TTLL11: variants seen among roughly 807,000 people sequenced by gnomAD.
TTLL11 encodes tubulin polyglutamylase TTLL11.
In TTLL11, 42 loss-of-function variants were observed where a neutral mutation model predicts 51.7. The ratio of observed to expected loss-of-function variants is 0.81; its 90% CI spans 0.64 to 1.05. TTLL11 has a LOEUF of 1.05. Among genes scored for constraint, TTLL11 ranks in the 50% least tolerant of loss-of-function variants. TTLL11 has a pLI of 0.00. For missense variants in TTLL11, 799 were observed against 940.4 expected, an observed-to-expected ratio of 0.85 and a Z score of 1.97; for synonymous variants, 381 against 383.5, an observed-to-expected ratio of 0.99 and a Z score of 0.08.
chr9:121,930,034 G>T (rs1051037199), intron 6 of TTLL11, among the ~76,000 whole-genome samples: 2 of 152,192 alleles, frequency 1.3e-5, no homozygotes, highest in African/African-American at 4.8e-5. Context: ...CATTTGAAAA[G>T]AATTCACTTA....
chr9:121,965,590 A>G (rs577324212), intron 6 of TTLL11, among the ~76,000 whole-genome samples: 5 of 152,310 alleles, frequency 3.3e-5, no homozygotes, highest in East Asian at 1.9e-4. Flanking sequence ...TCAGGAATCA[A>G]TTGAGCCCAG....
intron 8 of TTLL11, among the ~76,000 whole-genome samples, chr9:121,827,704 C>T (rs1303354846): frequency 6.6e-6 from 1 of 151,960 alleles, no homozygotes; most frequent in Non-Finnish European, 1.5e-5. Flanking sequence ...TAGATATTGG[C>T]TTTAATCCTC....
chr9:122,091,967 A>G (rs1403801781), intron 1 of TTLL11, among the ~76,000 whole-genome samples: 1 of 152,158 alleles, frequency 6.6e-6, no homozygotes, highest in Non-Finnish European at 1.5e-5. Flanking sequence ...TATAAAATAC[A>G]GTGCCTGATT....
At chr9:121,876,401 GC>G (rs1386253460) in intron 6 of TTLL11, among the ~76,000 whole-genome samples, 2 of 152,152 alleles carry the variant, frequency 1.3e-5, no homozygotes, top group Non-Finnish European at 2.9e-5. Flanking sequence ...GCACTCACAT[GC>G]CCCAGGGGCC....
chr9:121,820,745 C>A lies in TTLL11; in HGVS notation c.*1842G>T, dbSNP rs1836552302. Among the ~76,000 whole-genome samples, 1 of 151,932 alleles carries A rather than the reference C, an allele frequency of 6.6e-6. No individual in the cohort carries two copies. Among genetic ancestry groups the A allele is most frequent in the African/African-American group, 2.4e-5 (1 of 41,460 alleles). ...CCTCCACAGTGCCCCATGTAGAGAACACTCGACACACCTCAGGAGGCACAT... is the reference window on the plus strand; with the variant it reads ...CCTCCACAGTGCCCCATGTAGAGAAAACTCGACACACCTCAGGAGGCACAT... On this transcript the variant is annotated 3_prime_UTR_variant, in exon 9 of 9. Transcript: ENST00000321582.
At chr9:122,077,251 A>G (rs1157337104) in intron 1 of TTLL11, among the ~76,000 whole-genome samples, 1 of 152,222 alleles carries the variant, frequency 6.6e-6, no homozygotes, top group African/African-American at 2.4e-5. Flanking sequence ...GACACAGACT[A>G]TATAAAATAC....
chr9:121,875,998 C>T (rs887397068), intron 6 of TTLL11, among the ~76,000 whole-genome samples: 1 of 152,218 alleles, frequency 6.6e-6, no homozygotes, highest in African/African-American at 2.4e-5. Context: ...TAACATTGCT[C>T]CAAGCCACTT....
intron 6 of TTLL11, among the ~76,000 whole-genome samples, chr9:121,873,773 A>G (rs970087837): frequency 1.2e-4 from 17 of 147,042 alleles, no homozygotes; most frequent in Non-Finnish European, 1.6e-4. Context: ...GGCTCAAACA[A>G]TCTTGCCTCA....
intron 6 of TTLL11, among the ~76,000 whole-genome samples, chr9:121,962,763 T>G (rs1485006697): frequency 6.6e-6 from 1 of 152,252 alleles, no homozygotes; most frequent in Non-Finnish European, 1.5e-5. Context: ...ATTGGCTTAC[T>G]TTATATTCAT....
Position 121,948,345 on chromosome 9 carries a change from T to C in TTLL11, c.1481+25664A>G, listed in dbSNP as rs189298269. Reference sequence around the variant, plus strand: ...TGAACTCTAGTCTTCGGGTATTCAGTAGTTACCAGAAAACTAACCATGAAC... The same window carrying C: ...TGAACTCTAGTCTTCGGGTATTCAGCAGTTACCAGAAAACTAACCATGAAC... On this transcript the variant is annotated intron_variant, in intron 6 of 8. Transcript: ENST00000321582. 1.8e-4 allele frequency among the ~76,000 whole-genome samples: 28 copies of C among 152,330 alleles called. No individual in the cohort carries two copies. In the East Asian group the frequency reaches 5.4e-3, roughly 29 times the overall value.
At chr9:122,036,235 T>C (rs1564369103) in intron 2 of TTLL11, among the ~76,000 whole-genome samples, 1 of 151,914 alleles carries the variant, frequency 6.6e-6, no homozygotes. Context: ...GCTTGACAGA[T>C]GGCTGTCCCC....
intron 1 of TTLL11, among the ~76,000 whole-genome samples, chr9:122,043,900 C>T (rs1234226088): frequency 6.6e-6 from 1 of 151,836 alleles, no homozygotes; most frequent in African/African-American, 2.4e-5. Context: ...GGTACATGTG[C>T]ACAACGTGCA....
chr9:121,870,874 C>T (rs1838334848), intron 6 of TTLL11, 126 bp from the exon 7 acceptor site: 2 of 1,130,630 alleles, frequency 1.8e-6, no homozygotes, highest in African/African-American at 3.2e-5. Context: ...CAAGACTGAC[C>T]ACAGAGAAGT....
Position 121,854,868 on chromosome 9 carries a change from C to T in TTLL11, c.1840+5469G>A, listed in dbSNP as rs1837766235. On this transcript the variant is annotated intron_variant, in intron 8 of 8. Coordinates refer to ENST00000321582, the MANE Select transcript of TTLL11 (RefSeq NM_001139442.2). ...GACATCCCAGTTTTGCTGATAACAT[C>T]CTCATTTAGAGTTCTGTGTCCTGCT... 2.6e-5 allele frequency among the ~76,000 whole-genome samples: 4 copies of T among 152,320 alleles called. No homozygotes were observed. The South Asian group carries it at 8.3e-4, about 32-fold the overall frequency.
intron 6 of TTLL11, among the ~76,000 whole-genome samples, chr9:121,950,836 T>G (rs968139082): frequency 6.6e-6 from 1 of 152,154 alleles, no homozygotes; most frequent in African/African-American, 2.4e-5. Flanking sequence ...CTGGCTCAAA[T>G]CATGACTCTG....
Position 121,822,883 on chromosome 9 carries a change from T to C in TTLL11, c.1841-4A>G. ...ACGAAGGCCTGCAGACACATCCCTG[T>C]GAACAAAGAGACTGGATGAGGGGGT... On this transcript the variant is annotated splice_polypyrimidine_tract_variant and splice_region_variant and intron_variant, in intron 8 of 8. Coordinates refer to ENST00000321582, the MANE Select transcript of TTLL11 (RefSeq NM_001139442.2). The surrounding 1 kb of genome is among the most constrained non-coding windows in gnomAD (Gnocchi z 5.8). The C allele has an allele frequency of 6.5e-7, 1 of 1,547,018 alleles. No individual in the cohort carries two copies.
At chr9:121,825,163 G>T (rs1836711076) in intron 8 of TTLL11, among the ~76,000 whole-genome samples, 1 of 152,200 alleles carries the variant, frequency 6.6e-6, no homozygotes, top group Non-Finnish European at 1.5e-5. Context: ...CTAATCACCA[G>T]CTCTGGGCCA....
intron 6 of TTLL11, among the ~76,000 whole-genome samples, chr9:121,887,771 A>C (rs1839068182): frequency 1.3e-5 from 2 of 152,208 alleles, no homozygotes; most frequent in Admixed American, 1.3e-4. Context: ...CCTCCCCCGC[A>C]GCAAGCTGTC....
At chr9:122,055,490 G>A (rs1008541439) in intron 1 of TTLL11, among the ~76,000 whole-genome samples, 7 of 152,182 alleles carry the variant, frequency 4.6e-5, no homozygotes, top group Non-Finnish European at 7.4e-5. Flanking sequence ...GATGGTGCCC[G>A]CTCAGATTAA....
Sources: gnomAD v4.1 joint callset for allele counts (sites outside exome capture counted in the v4.1 genomes callset) on GRCh38, gnomAD v4.1.1 for gene constraint, Gnocchi (gnomAD v3.1) non-coding constraint, MANE v1.5 for transcripts, NCBI Gene and HGNC (gene_info 2026-07-23, HGNC 2026-07-21) for gene names.